NALF1: variants seen among roughly 807,000 people sequenced by gnomAD.
NALF1 encodes family with sequence similarity 155 member A.
NALF1 carries 3 observed loss-of-function variants against 48.4 expected under a neutral mutation model. That is an observed-to-expected ratio of 0.06 (90% CI 0.03 to 0.16). The LOEUF (loss-of-function observed/expected upper bound fraction) is 0.16. Ranked by LOEUF, NALF1 falls within the 10% of genes least tolerant of loss-of-function variation. The pLI is 1.00. For synonymous variants in NALF1, 262 were observed against 245.7 expected (o/e 1.07, Z -0.62); for missense variants, 526 against 571.5 (o/e 0.92, Z 0.81).
intron 1 of NALF1, among the ~76,000 whole-genome samples, chr13:107,263,691 A>C (rs1880982696): frequency 6.6e-6 from 1 of 152,182 alleles, no homozygotes; most frequent in East Asian, 1.9e-4. Flanking sequence ...CATGATTGTG[A>C]TGCCTCCCCA....
At chr13:107,488,064 T>C (rs1189762589) in intron 1 of NALF1, among the ~76,000 whole-genome samples, 7 of 152,200 alleles carry the variant, frequency 4.6e-5, no homozygotes, top group African/African-American at 1.7e-4. Context: ...CATAGAGATG[T>C]TTATAATACT....
chr13:107,252,943 T>G (rs1880733079), intron 1 of NALF1, among the ~76,000 whole-genome samples: 1 of 152,222 alleles, frequency 6.6e-6, no homozygotes, highest in South Asian at 2.1e-4. Context: ...AATATTATAA[T>G]GTACAATTTC....
In NALF1 at chr13:107,354,044, C is replaced by T. The variant is rs551617309; in HGVS notation, c.916-143289G>A. Reference sequence around the variant, plus strand: ...AAAATATGAATACTGCTCTAATTCACGCAAAAATCAGAAGCTGAGTCCCCT... The same window carrying T: ...AAAATATGAATACTGCTCTAATTCATGCAAAAATCAGAAGCTGAGTCCCCT... On this transcript the variant is annotated intron_variant, in intron 1 of 2. Coordinates refer to ENST00000375915, the MANE Select transcript of NALF1 (RefSeq NM_001080396.3). 3.9e-5 allele frequency among the ~76,000 whole-genome samples: 6 copies of T among 152,214 alleles called. No homozygotes were observed. In the East Asian group the frequency reaches 5.8e-4, roughly 15 times the overall value.
At chr13:107,448,787 C>T (rs1289260341) in intron 1 of NALF1, among the ~76,000 whole-genome samples, 1 of 152,150 alleles carries the variant, frequency 6.6e-6, no homozygotes, top group African/African-American at 2.4e-5. Context: ...TATACAAATT[C>T]GAGTCCCAAG....
chr13:107,525,068 C>A (rs936836855), intron 1 of NALF1, among the ~76,000 whole-genome samples: 6 of 152,076 alleles, frequency 3.9e-5, no homozygotes, highest in Non-Finnish European at 5.9e-5. Flanking sequence ...TGTAGAAAAT[C>A]CGGCAAATCT....
chr13:107,465,031 A>T (rs1884978845), intron 1 of NALF1, among the ~76,000 whole-genome samples: 1 of 151,814 alleles, frequency 6.6e-6, no homozygotes. Flanking sequence ...CACACTTTGC[A>T]TTTTTTATTA....
At chr13:107,765,814 AT>A (rs1320227427) in intron 1 of NALF1, among the ~76,000 whole-genome samples, 1 of 152,172 alleles carries the variant, frequency 6.6e-6, no homozygotes, top group African/African-American at 2.4e-5. Context: ...GGTTACCTAG[AT>A]TTTGAAGATT....
chr13:107,597,451 T>C (rs1336032824), intron 1 of NALF1, among the ~76,000 whole-genome samples: 1 of 152,154 alleles, frequency 6.6e-6, no homozygotes, highest in Admixed American at 6.6e-5. Context: ...AAGCCTCTCC[T>C]TTTATATAAT....
At chr13:107,322,952 C>T (rs1882285114) in intron 1 of NALF1, among the ~76,000 whole-genome samples, 1 of 152,130 alleles carries the variant, frequency 6.6e-6, no homozygotes, top group Non-Finnish European at 1.5e-5. Flanking sequence ...ACAGACCACA[C>T]CTGGATATAC....
At chr13:107,512,384 C>T (rs1458997462) in intron 1 of NALF1, among the ~76,000 whole-genome samples, 1 of 152,074 alleles carries the variant, frequency 6.6e-6, no homozygotes, top group African/African-American at 2.4e-5. Context: ...CAGAGTGAGA[C>T]TCCATCTAAA....
intron 1 of NALF1, among the ~76,000 whole-genome samples, chr13:107,792,908 AAGGAATC>A (rs1336176786): frequency 6.6e-6 from 1 of 152,080 alleles, no homozygotes; most frequent in African/African-American, 2.4e-5. Context: ...TACTGGCCTC[AAGGAATC>A]CCCCGCCTTG....
At chr13:107,618,159 T>C (rs1262173660) in intron 1 of NALF1, among the ~76,000 whole-genome samples, 1 of 151,446 alleles carries the variant, frequency 6.6e-6, no homozygotes, top group African/African-American at 2.4e-5. Flanking sequence ...TAAGACTGGC[T>C]GGAAAAAACT....
chr13:107,186,720 A>G (rs141988992), intron 2 of NALF1, among the ~76,000 whole-genome samples: 34 of 152,284 alleles, frequency 2.2e-4, no homozygotes, highest in African/African-American at 7.7e-4. Flanking sequence ...TTAGCATCAC[A>G]ATCTGTATTC....
chr13:107,289,851 T>C (rs901724747), intron 1 of NALF1, among the ~76,000 whole-genome samples: 5 of 152,094 alleles, frequency 3.3e-5, no homozygotes, highest in South Asian at 4.1e-4. Flanking sequence ...CTGAGTCACA[T>C]AGAATAAATG....
intron 1 of NALF1, among the ~76,000 whole-genome samples, chr13:107,766,136 T>C (rs1174925193): frequency 6.6e-6 from 1 of 152,180 alleles, no homozygotes; most frequent in Non-Finnish European, 1.5e-5. Flanking sequence ...TAATTACAGA[T>C]GTACGTGCAG....
intron 1 of NALF1, among the ~76,000 whole-genome samples, chr13:107,223,996 T>A (rs972712100): frequency 6.6e-6 from 1 of 152,170 alleles, no homozygotes; most frequent in Non-Finnish European, 1.5e-5. Context: ...TTATGAATAA[T>A]CATAACATTA....
chr13:107,241,980 C>A (rs1880480919), intron 1 of NALF1, among the ~76,000 whole-genome samples: 1 of 152,100 alleles, frequency 6.6e-6, no homozygotes, highest in Admixed American at 6.5e-5. Flanking sequence ...CTTGGGAGGG[C>A]CTGCTGACTC....
chr13:107,579,774 T>C (rs1362782548), intron 1 of NALF1, among the ~76,000 whole-genome samples: 1 of 152,078 alleles, frequency 6.6e-6, no homozygotes, highest in African/African-American at 2.4e-5. Context: ...CTGCACCCAC[T>C]AACTCGTCAT....
chr13:107,852,694 T>G (rs936586178), intron 1 of NALF1, among the ~76,000 whole-genome samples: 3 of 152,286 alleles, frequency 2.0e-5, no homozygotes, highest in Non-Finnish European at 4.4e-5. Context: ...TCACCATTAC[T>G]TGAAGAAATC....
Sources: allele counts gnomAD v4.1 joint callset (sites outside exome capture counted in the v4.1 genomes callset), GRCh38; gene constraint gnomAD v4.1.1; transcripts MANE v1.5; gene names NCBI Gene and HGNC (gene_info 2026-07-23, HGNC 2026-07-21).